Variants in PDE4A observed in about 807,000 individuals in gnomAD.
The protein encoded by PDE4A is 3',5'-cyclic-AMP phosphodiesterase 4A.
A neutral mutation model predicts 73.9 loss-of-function variants in PDE4A; 21 were observed. The observed-to-expected ratio is 0.28, with a 90% CI of 0.20 to 0.41. The LOEUF is 0.41. PDE4A is among the 10% of genes least tolerant of loss of function. The pLI, the probability that PDE4A is intolerant of heterozygous loss-of-function variation, is 1.00. For missense variants in PDE4A, 958 were observed against 1,211.4 expected (o/e 0.79, Z 3.10); for synonymous variants, 463 against 505.4 (o/e 0.92, Z 1.13).
upstream of PDE4A, chr19:10,420,169 G>C (rs1317138952): frequency 6.5e-6 from 1 of 154,288 alleles, no homozygotes; most frequent in Non-Finnish European, 1.4e-5. The surrounding 1 kb of genome is among the most constrained non-coding windows in gnomAD (Gnocchi z 6.0). Flanking sequence ...GGGTAGCGGC[G>C]AGGACACGCC....
rs2230189 is a variant in PDE4A at position 10,463,873 on chromosome 19, C to T, written c.1824C>T (p.Arg608=). The part of the protein sequence containing the change: ...PLELYRQWTD[R]IMAEFFQQGD... Reference sequence around the variant, plus strand: ...AGCTGTACCGCCAGTGGACAGACCGCATCATGGCCGAGTTCTTCCAGCAGG... The same window carrying T: ...AGCTGTACCGCCAGTGGACAGACCGTATCATGGCCGAGTTCTTCCAGCAGG... Residue 608 remains arginine (R), a synonymous_variant, in exon 14 of 15, where the codon CGC becomes CGT. Transcript: ENST00000380702. 2.9e-3 allele frequency: 4,637 copies of T among 1,614,144 alleles called. 118 individuals are homozygous for T. In the African/African-American group the frequency reaches 0.055, roughly 19 times the overall value.
chr19:10,465,590 C>A (rs958039324), intron 14 of PDE4A, among the ~76,000 whole-genome samples: 1 of 148,734 alleles, frequency 6.7e-6, no homozygotes, highest in Non-Finnish European at 1.5e-5. Context: ...TGTGCAAAAT[C>A]ACTCACACAC....
intron 4 of PDE4A, 92 bp downstream of exon 4, chr19:10,449,242 A>G (rs1051645399): frequency 7.2e-6 from 10 of 1,389,324 alleles, no homozygotes; most frequent in Middle Eastern, 1.8e-4. Context: ...TCTGGCAGGC[A>G]GGTGACCTCT....
chr19:10,451,596 G>A (rs1004966108), intron 6 of PDE4A, among the ~76,000 whole-genome samples: 1 of 152,110 alleles, frequency 6.6e-6, no homozygotes. Context: ...AGGTGTGTGG[G>A]GCTGTGCCAG....
At chr19:10,463,381 C>T (rs1416253206) in intron 13 of PDE4A, among the ~76,000 whole-genome samples, 3 of 149,238 alleles carry the variant, frequency 2.0e-5, no homozygotes, top group Non-Finnish European at 3.0e-5. Context: ...TGAGCCACCG[C>T]GCCCAGCCCC....
intron 1 of PDE4A, chr19:10,432,522 C>T: frequency 6.6e-7 from 1 of 1,525,406 alleles, no homozygotes; most frequent in Admixed American, 2.1e-5. Context: ...GACCCACTTC[C>T]CCTTCAGCGA....
At chr19:10,445,703 G>A (rs532082529) in intron 1 of PDE4A, among the ~76,000 whole-genome samples, 6 of 150,822 alleles carry the variant, frequency 4.0e-5, no homozygotes, top group African/African-American at 1.5e-4. Context: ...GGGAGGTGGA[G>A]GTTGCAGTGA....
chr19:10,421,001 G>A lies in PDE4A; in HGVS notation c.237G>A (p.Leu79=). The A allele has an allele frequency of 6.6e-7, 1 of 1,519,432 alleles. No individual in the cohort carries two copies. 94.1% of individuals were successfully genotyped at this position (1,519,432 alleles called of 1,614,324 possible). ...TGGACACCAGCGACCGGCCCGGCCT[G>A]CGCACGACCCGCATGTCCTGGCCCT... ...DAMDTSDRPG[L]RTTRMSWPSS... is the part of the protein sequence containing the mutation. The change falls in exon 1 of 15, where the codon CTG becomes CTA. Residue 79 remains leucine (L), a synonymous_variant. Transcript: ENST00000380702.
Position 10,448,930 on chromosome 19 carries a change from C to G in PDE4A, c.526C>G (p.Leu176Val). The G allele has an allele frequency of 2.5e-6, 4 of 1,613,930 alleles. No homozygotes were observed. Among genetic ancestry groups the G allele is most frequent in the South Asian group, 2.2e-5 (2 of 91,052 alleles). Residue 176 changes from leucine (L) to valine (V), a missense_variant, in exon 3 of 15, where the codon CTC becomes GTC. This residue lies in a region of PDE4A where 570 missense variants were observed against 827.7 expected (regional missense o/e 0.69). Coordinates refer to ENST00000380702, the MANE Select transcript of PDE4A (RefSeq NM_001111307.2). ...SVTSEAHAED[L>V]IVTPFAQVLA... Reference sequence around the variant, plus strand: ...CCTCAATCACAGGCACGCTGAAGACCTCATCGTAACACCATTTGCTCAGGT... The same window carrying G: ...CCTCAATCACAGGCACGCTGAAGACGTCATCGTAACACCATTTGCTCAGGT...
At chr19:10,456,087 T>A (rs1255593545) in intron 7 of PDE4A, among the ~76,000 whole-genome samples, 1 of 151,228 alleles carries the variant, frequency 6.6e-6, no homozygotes, top group African/African-American at 2.4e-5. Context: ...TAGAAGATTA[T>A]CAAGCTTAAG....
upstream of PDE4A, chr19:10,419,176 G>A: frequency 1.3e-6 from 1 of 748,298 alleles, no homozygotes; most frequent in Non-Finnish European, 1.6e-6. Context: ...CAGGGGTCTG[G>A]TCCCCGGGTC....
At position 10,453,917 on chromosome 19, in the gene PDE4A, G is replaced by A. The variant is rs1437459124; in HGVS notation, c.784-912G>A. Among the ~76,000 whole-genome samples the A allele has an allele frequency of 6.6e-6, 1 of 152,126 alleles. No individual in the cohort carries two copies. The highest frequency in any genetic ancestry group is 1.5e-5 in the Non-Finnish European group (1 of 68,026). On this transcript the variant is annotated intron_variant, in intron 6 of 14. Transcript: ENST00000380702. This position sits in a 1 kb window ranked among gnomAD's most constrained non-coding sequence, Gnocchi z 4.6. ...CGGGAGGAGGGAGCACCCCGTCCAA[G>A]CCTGGGCCATGCAGGCTCACCCCTC... is the stretch of plus-strand genomic sequence containing the variant.
intron 1 of PDE4A, among the ~76,000 whole-genome samples, chr19:10,435,212 G>A (rs1033958143): frequency 6.6e-6 from 1 of 152,078 alleles, no homozygotes; most frequent in African/African-American, 2.4e-5. Flanking sequence ...AGGCCTAGGG[G>A]CCACGTGGAG....
upstream of PDE4A, chr19:10,417,014 A>G: frequency 2.0e-6 from 3 of 1,536,140 alleles, no homozygotes; most frequent in Non-Finnish European, 2.6e-6. Flanking sequence ...GGCTTGGGCT[A>G]GGGGCGGGGC....
At chr19:10,440,079 G>A (rs972234062) in intron 1 of PDE4A, among the ~76,000 whole-genome samples, 27 of 145,074 alleles carry the variant, frequency 1.9e-4, no homozygotes, top group African/African-American at 6.9e-4. Context: ...CTGCCACCCG[G>A]GTTCAAGCAA....
At chr19:10,419,230 G>C (rs1236779725), upstream of PDE4A, 10 of 207,612 alleles carry the variant, frequency 4.8e-5, no homozygotes. Context: ...TCGGCGTGGG[G>C]GGGGGGGGCG....
chr19:10,440,981 G>A (rs1037413424), intron 1 of PDE4A, among the ~76,000 whole-genome samples: 7 of 145,790 alleles, frequency 4.8e-5, no homozygotes, highest in Admixed American at 1.4e-4. Context: ...CAAGTGATCC[G>A]CCCACCTCGG....
rs779633287 is a variant in PDE4A, at chr19:10,459,421, T to A, written c.1123T>A (p.Trp375Arg). 1 of 1,614,172 alleles carries A rather than the reference T, an allele frequency of 6.2e-7. No homozygotes were observed. The highest frequency in any genetic ancestry group is 8.5e-7 in the Non-Finnish European group (1 of 1,180,032). Residue 375 changes from tryptophan (W) to arginine (R), a missense_variant, in exon 9 of 15, where the codon TGG becomes AGG. Trp to Arg is a moderately radical substitution (Grantham distance 101). This residue lies in a region of PDE4A where 570 missense variants were observed against 827.7 expected (regional missense o/e 0.69). Coordinates refer to ENST00000380702, the MANE Select transcript of PDE4A (RefSeq NM_001111307.2). ...CCAGGAACTGGAGAACCTGAACAAG[T>A]GGGGCCTGAACATCTTTTGCGTGTC... ...LAQELENLNK[W>R]GLNIFCVSDY...
intron 1 of PDE4A, among the ~76,000 whole-genome samples, chr19:10,441,851 G>A (rs185490517): frequency 3.3e-5 from 5 of 151,548 alleles, no homozygotes; most frequent in East Asian, 2.0e-4. Context: ...CACTACGCCC[G>A]GCTAATTTTT....
Sources: allele counts gnomAD v4.1 joint callset (sites outside exome capture counted in the v4.1 genomes callset), GRCh38; gene constraint gnomAD v4.1.1; regional missense constraint gnomAD v4.1.1; non-coding constraint Gnocchi (gnomAD v3.1); transcripts MANE v1.5; gene names NCBI Gene and HGNC (gene_info 2026-07-23, HGNC 2026-07-21).